The following ATP2B2 variants were observed in gnomAD, a reference collection of about 807,000 sequenced individuals.
ATP2B2 encodes the protein ATPase plasma membrane Ca2+ transporting 2, also known as plasma membrane calcium-transporting ATPase 2.
Under a neutral mutation model 120.0 loss-of-function variants are expected in ATP2B2, and 15 were observed. That is an observed-to-expected ratio of 0.12 (90% CI 0.08 to 0.19). The LOEUF is 0.19. Ranked by LOEUF, ATP2B2 falls within the 10% of genes least tolerant of loss-of-function variation. The pLI is 1.00. For synonymous variants in ATP2B2, 694 were observed against 700.3 expected (o/e 0.99, Z 0.14); for missense variants, 1,045 against 1,719.8 (o/e 0.61, Z 6.94).
chr3:10,536,713 T>G (rs1469529986), intron 2 of ATP2B2, among the ~76,000 whole-genome samples: 1 of 151,732 alleles, frequency 6.6e-6, no homozygotes, highest in African/African-American at 2.4e-5. Context: ...TTTTTAGTAG[T>G]GACAAGGTCT....
At chr3:10,445,439 C>G (rs1415659292) in intron 2 of ATP2B2, among the ~76,000 whole-genome samples, 1 of 152,216 alleles carries the variant, frequency 6.6e-6, no homozygotes, top group South Asian at 2.1e-4. Context: ...TAGAATGGAA[C>G]AGAACCAACA....
chr3:10,492,874 C>T (rs947010263), intron 1 of ATP2B2, among the ~76,000 whole-genome samples: 24 of 152,162 alleles, frequency 1.6e-4, no homozygotes, highest in Admixed American at 9.2e-4. Flanking sequence ...TTGAACTTGG[C>T]CGAGGCTGCC....
chr3:10,705,881 T>C (rs1483642104), intron 1 of ATP2B2, among the ~76,000 whole-genome samples: 1 of 152,210 alleles, frequency 6.6e-6, no homozygotes, highest in Admixed American at 6.5e-5. Context: ...TTTTTATTAA[T>C]CGTGCCCTCT....
At chr3:10,407,006 T>C (rs2062435599) in intron 3 of ATP2B2, among the ~76,000 whole-genome samples, 1 of 152,186 alleles carries the variant, frequency 6.6e-6, no homozygotes, top group Non-Finnish European at 1.5e-5. Context: ...CATGTTGTAT[T>C]TCTTGCCTGC....
At chr3:10,371,473 C>T (rs1435007720) in intron 12 of ATP2B2, among the ~76,000 whole-genome samples, 1 of 152,204 alleles carries the variant, frequency 6.6e-6, no homozygotes, top group African/African-American at 2.4e-5. Context: ...GAGTGAAATA[C>T]ACAGGTTTGT....
intron 1 of ATP2B2, among the ~76,000 whole-genome samples, chr3:10,667,744 C>T (rs1432515105): frequency 2.1e-5 from 3 of 143,884 alleles, no homozygotes; most frequent in South Asian, 2.5e-4. Flanking sequence ...GATCCAGCAG[C>T]GTGCTCTGAG....
At chr3:10,429,228 A>G (rs2063236099) in intron 2 of ATP2B2, among the ~76,000 whole-genome samples, 1 of 152,186 alleles carries the variant, frequency 6.6e-6, no homozygotes, top group African/African-American at 2.4e-5. Flanking sequence ...TTTCCTCCAG[A>G]GTCCTTAAGA....
chr3:10,470,420 G>A (rs886195566), intron 1 of ATP2B2, among the ~76,000 whole-genome samples: 1 of 152,108 alleles, frequency 6.6e-6, no homozygotes, highest in Non-Finnish European at 1.5e-5. Flanking sequence ...TGATTCCAAA[G>A]TCTGTGAGCT....
chr3:10,418,728 G>C (rs2125054149), intron 2 of ATP2B2, among the ~76,000 whole-genome samples: 1 of 152,304 alleles, frequency 6.6e-6, no homozygotes, highest in Middle Eastern at 3.4e-3. Flanking sequence ...GAGCGGACCT[G>C]CCTGCAGCCT....
intron 1 of ATP2B2, among the ~76,000 whole-genome samples, chr3:10,489,072 T>C (rs563790883): frequency 6.6e-6 from 1 of 152,296 alleles, no homozygotes; most frequent in South Asian, 2.1e-4. Context: ...ACTGAGCATG[T>C]CCCCATGTCA....
At position 10,705,149 on chromosome 3, in the gene ATP2B2, C is replaced by T. The variant is rs552898727; in HGVS notation, c.-460+2766G>A. On this transcript the variant is annotated intron_variant, in intron 1 of 21. Coordinates refer to the ATP2B2 transcript ENST00000646379. Reference sequence around the variant, plus strand: ...CAAATTCTTATCAAGAGAAATCCTGCACAACAAATTCTCTCTTTGCTCTCT... The same window carrying T: ...CAAATTCTTATCAAGAGAAATCCTGTACAACAAATTCTCTCTTTGCTCTCT... Among the ~76,000 whole-genome samples the T allele has an allele frequency of 5.3e-5, 8 of 152,306 alleles. No homozygotes were observed. The East Asian group carries it at 1.2e-3, about 22-fold the overall frequency.
At chr3:10,442,421 G>T (rs2063699667) in intron 2 of ATP2B2, among the ~76,000 whole-genome samples, 1 of 152,152 alleles carries the variant, frequency 6.6e-6, no homozygotes. Context: ...CCCGTGGCCT[G>T]CAGAATTATT....
At chr3:10,572,333 T>C (rs1312402158) in intron 2 of ATP2B2, among the ~76,000 whole-genome samples, 1 of 152,132 alleles carries the variant, frequency 6.6e-6, no homozygotes, top group Admixed American at 6.5e-5. Context: ...CCCTACCTCC[T>C]AGAGTTCTAG....
intron 22 of ATP2B2, among the ~76,000 whole-genome samples, chr3:10,333,542 C>T (rs1001025415): frequency 2.6e-5 from 4 of 151,994 alleles, no homozygotes; most frequent in Non-Finnish European, 4.4e-5. Flanking sequence ...AAAGGAGGCA[C>T]GAGGCTGTGT....
intron 2 of ATP2B2, among the ~76,000 whole-genome samples, chr3:10,443,541 T>C: frequency 6.6e-6 from 1 of 151,528 alleles, no homozygotes; most frequent in Admixed American, 6.5e-5. Flanking sequence ...GGGAGGATGT[T>C]AACCCGAAGC....
rs894403442 is a variant in ATP2B2, at chr3:10,544,633, G to A, written c.-414-10500C>T. Among the ~76,000 whole-genome samples the A allele has an allele frequency of 1.4e-4, 22 of 151,994 alleles. No homozygotes were observed. The East Asian group carries it at 3.5e-3, about 24-fold the overall frequency. On this transcript the variant is annotated intron_variant, in intron 2 of 21. Coordinates refer to the ATP2B2 transcript ENST00000646379. Reference sequence around the variant, plus strand: ...CCAAGATGAAGAGGTGTGTGGATCAGGCTCCCTTCACAAACGATGCTTCTG... The same window carrying A: ...CCAAGATGAAGAGGTGTGTGGATCAAGCTCCCTTCACAAACGATGCTTCTG...
At chr3:10,661,905 T>A (rs1575601649) in intron 1 of ATP2B2, among the ~76,000 whole-genome samples, 2 of 152,152 alleles carry the variant, frequency 1.3e-5, no homozygotes. Flanking sequence ...AAGAGAGATA[T>A]AGACCAATGG....
intron 2 of ATP2B2, among the ~76,000 whole-genome samples, chr3:10,572,588 T>C (rs958231034): frequency 6.6e-6 from 1 of 152,132 alleles, no homozygotes; most frequent in Non-Finnish European, 1.5e-5. Flanking sequence ...ATATTAGCAA[T>C]TATTAGGAGC....
rs1169349749 is a variant in ATP2B2, at chr3:10,326,989, T to C, written c.*1825A>G. 1.0e-5 allele frequency: 4 copies of C among 398,056 alleles called. 1 individual carries two copies. The Admixed American group carries it at 1.8e-4, about 18-fold the overall frequency. The allele number at this position is 398,056 out of a possible 1,614,324, so 24.7% of individuals were successfully genotyped here. A position where few individuals can be genotyped will look rare whatever the true frequency, so the allele number is the denominator to read the frequency against. On this transcript the variant is annotated 3_prime_UTR_variant, in exon 23 of 23. Coordinates refer to ENST00000360273, the MANE Select transcript of ATP2B2 (RefSeq NM_001001331.4). ...TTTTGCAAGAGAGGCGGAAAGTGTT[T>C]GGTTTTCCTCGAAGCATGGGACATC...
Sources: allele counts gnomAD v4.1 joint callset (sites outside exome capture counted in the v4.1 genomes callset), GRCh38; gene constraint gnomAD v4.1.1; transcripts MANE v1.5; gene names NCBI Gene and HGNC (gene_info 2026-07-23, HGNC 2026-07-21).